Variants in AGAP3 observed in about 807,000 individuals in gnomAD.
The protein encoded by AGAP3 is ArfGAP with GTPase domain, ankyrin repeat and PH domain 3, also known as arf-GAP with GTPase, ANK repeat and PH domain-containing protein 3.
Under a neutral mutation model 96.9 loss-of-function variants are expected in AGAP3, and 24 were observed. The ratio of observed to expected loss-of-function variants is 0.25; its 90% CI spans 0.18 to 0.35. AGAP3 has a LOEUF of 0.35. Among genes scored for constraint, AGAP3 ranks in the 10% least tolerant of loss-of-function variants. The pLI is 1.00. For missense variants in AGAP3, 876 were observed against 1,254.2 expected (o/e 0.70, Z 4.55); for synonymous variants, 563 against 536.1 (o/e 1.05, Z -0.69).
At position 151,118,476 on chromosome 7, in the gene AGAP3, G is replaced by T; in HGVS notation, c.842-29G>T. 1 of 1,612,634 alleles carries T rather than the reference G, an allele frequency of 6.2e-7. No homozygotes were observed. ...CCAGGCTTTTCCCTTCTCTCCAGTG[G>T]GTATAATTGACTCTGCTGTCCCCTG... is the stretch of plus-strand genomic sequence containing the variant. On this transcript the variant is annotated intron_variant, in intron 6 of 17. Coordinates refer to ENST00000397238, the MANE Select transcript of AGAP3 (RefSeq NM_031946.7). The surrounding 1 kb of genome is among the most constrained non-coding windows in gnomAD (Gnocchi z 6.1).
chr7:151,142,426 A>G lies in AGAP3; in HGVS notation c.2065A>G (p.Ser689Gly). The part of the protein sequence containing the change: ...DCDAPNPDWA[S>G]LNLGALMCIE... ...TCCTTGCCTAGATCCAGACTGGGCC[A>G]GCCTGAACCTGGGTGCCCTGATGTG... Residue 689 changes from serine to glycine, a missense_variant, in exon 16 of 18, where the codon AGC becomes GGC. By Grantham distance (56) the Ser-to-Gly change is moderately conservative. Transcript: ENST00000397238. This position sits in a 1 kb window ranked among gnomAD's most constrained non-coding sequence, Gnocchi z 7.5. 6.2e-7 allele frequency: 1 copy of G among 1,613,828 alleles called. No individual in the cohort carries two copies. Among genetic ancestry groups the G allele is most frequent in the Non-Finnish European group, 8.5e-7 (1 of 1,179,892 alleles).
Position 151,120,089 on chromosome 7 carries a change from T to G in AGAP3, c.1072T>G (p.Ser358Ala). 1.2e-6 allele frequency: 2 copies of G among 1,613,324 alleles called. No homozygotes were observed. Among genetic ancestry groups the G allele is most frequent in the Non-Finnish European group, 1.7e-6 (2 of 1,179,796 alleles). Residue 358 changes from serine to alanine, a missense_variant, in exon 8 of 18, where the codon TCC becomes GCC. Physicochemically the swap from Ser to Ala is moderately conservative, Grantham distance 99. Around this residue, in one of 8 missense-constraint regions of AGAP3, gnomAD observed 100 missense variants for 129.4 expected, o/e 0.77. Coordinates refer to ENST00000397238, the MANE Select transcript of AGAP3 (RefSeq NM_031946.7). Reference protein sequence around the residue: ...RELRIETIAASSTPTPIRKQS... With the variant: ...RELRIETIAAASTPTPIRKQS... ...GCTGCGCATCGAGACCATCGCTGCC[T>G]CCTCCACCCCCACACCCATCCGAAA...
At chr7:151,117,214 G>C in intron 3 of AGAP3, 32 bp downstream of exon 3, 1 of 1,605,824 alleles carries the variant, frequency 6.2e-7, no homozygotes, top group Non-Finnish European at 8.5e-7. Flanking sequence ...TGGGCCCTGA[G>C]GCCGGCCACT....
rs1390644788 is a variant in AGAP3, at chr7:151,141,853, G to T, written c.1805-45G>T. 22 of 1,612,484 alleles carry T rather than the reference G, an allele frequency of 1.4e-5. No individual in the cohort carries two copies. In the Admixed American group the frequency reaches 3.7e-4, roughly 27 times the overall value. ...TGTGGCGATAGCATGCCCTGGGTGT[G>T]CACGCAGGCCAGGAGCCCTGATGGC... On this transcript the variant is annotated intron_variant, in intron 13 of 17. Transcript: ENST00000397238. This position sits in a 1 kb window ranked among gnomAD's most constrained non-coding sequence, Gnocchi z 4.2.
At chr7:151,086,362 G>A (rs1189237239), upstream of AGAP3, among the ~76,000 whole-genome samples, 3 of 143,866 alleles carry the variant, frequency 2.1e-5, 1 homozygote, top group Admixed American at 2.0e-4. Flanking sequence ...GCGCAGGAGG[G>A]GCGGGGGCGG....
chr7:151,087,212 G>A (rs899200275), intron 1 of AGAP3, 140 bp downstream of exon 1: 3 of 910,636 alleles, frequency 3.3e-6, no homozygotes, highest in Non-Finnish European at 5.1e-6. Context: ...GAGGTTTGCC[G>A]ATCTGTGTTG....
At chr7:151,113,029 C>T (rs1454080278) in intron 1 of AGAP3, among the ~76,000 whole-genome samples, 6 of 152,278 alleles carry the variant, frequency 3.9e-5, no homozygotes, top group Middle Eastern at 6.8e-3. Context: ...CCACCGCGCC[C>T]GACCCTTTGC....
intron 1 of AGAP3, chr7:151,115,349 C>T: frequency 9.8e-7 from 1 of 1,020,896 alleles, no homozygotes; most frequent in Non-Finnish European, 1.2e-6. Context: ...TCAGCTTCCG[C>T]CTGCGCCGCG....
chr7:151,123,722 C>T (rs919250570), intron 8 of AGAP3, 72 bp from the exon 9 acceptor site: 2 of 1,591,684 alleles, frequency 1.3e-6, no homozygotes, highest in Non-Finnish European at 1.7e-6. Flanking sequence ...AGGAGGGAGG[C>T]CGGGAAGTCC....
chr7:151,119,954 G>A (rs755624386), intron 7 of AGAP3, 33 bp from the exon 8 acceptor site: 36 of 1,608,968 alleles, frequency 2.2e-5, no homozygotes, highest in South Asian at 4.4e-5. Context: ...CCCCTGACCC[G>A]GAGCTGCCCT....
chr7:151,100,699 G>C (rs1163296695), intron 1 of AGAP3, among the ~76,000 whole-genome samples: 1 of 152,140 alleles, frequency 6.6e-6, no homozygotes, highest in Non-Finnish European at 1.5e-5. Flanking sequence ...TAAATTAGCT[G>C]GGTGTGGTGG....
intron 2 of AGAP3, 23 bp downstream of exon 2, chr7:151,116,874 A>T (rs1446296246): frequency 6.2e-7 from 1 of 1,610,180 alleles, no homozygotes; most frequent in Admixed American, 1.7e-5. Context: ...CATGGGCAGC[A>T]CCGGCGGCCT....
intron 2 of AGAP3, 40 bp downstream of exon 2, chr7:151,116,891 G>GC: frequency 6.4e-7 from 1 of 1,551,466 alleles, no homozygotes; most frequent in South Asian, 1.1e-5. Context: ...GCCTGGAGCT[G>GC]GGGGGGCGAG....
At chr7:151,101,388 C>T (rs1002526642) in intron 1 of AGAP3, among the ~76,000 whole-genome samples, 4 of 152,192 alleles carry the variant, frequency 2.6e-5, no homozygotes, top group African/African-American at 9.7e-5. Flanking sequence ...TGACTCATGC[C>T]CTCCCTGTTG....
chr7:151,113,852 G>A (rs1018603827), intron 1 of AGAP3, among the ~76,000 whole-genome samples: 3 of 152,194 alleles, frequency 2.0e-5, no homozygotes, highest in Admixed American at 6.5e-5. Flanking sequence ...GTCATGAATT[G>A]GAAGGGCCTC....
At chr7:151,115,729 G>A in intron 1 of AGAP3, 1 of 853,052 alleles carries the variant, frequency 1.2e-6, no homozygotes, top group Non-Finnish European at 1.4e-6. Flanking sequence ...GCTGCCGCGC[G>A]CGTCCGGGGC....
intron 1 of AGAP3, among the ~76,000 whole-genome samples, chr7:151,087,804 T>C (rs1015380146): frequency 4.6e-5 from 7 of 152,362 alleles, no homozygotes; most frequent in Admixed American, 6.5e-5. Context: ...AGCGCTTTTT[T>C]CTCTGGGCCC....
Position 151,115,618 on chromosome 7 carries a change from C to A in AGAP3, c.332-1175C>A. 2.6e-6 allele frequency: 3 copies of A among 1,167,882 alleles called. No homozygotes were observed. The South Asian group carries it at 1.3e-4, about 49-fold the overall frequency. The allele number at this position is 1,167,882 out of a possible 1,614,324, so 72.3% of individuals were successfully genotyped here. A position where few individuals can be genotyped will look rare whatever the true frequency, so the allele number is the denominator to read the frequency against. ...TGGGGCCGTCGGGCGGCTGCGGCCC[C>A]GGAGCTCCTGCGCGCGCCCAGCGGT... On this transcript the variant is annotated intron_variant, in intron 1 of 17. Transcript: ENST00000397238.
At chr7:151,088,937 G>C (rs1315574561) in intron 1 of AGAP3, among the ~76,000 whole-genome samples, 3 of 152,116 alleles carry the variant, frequency 2.0e-5, no homozygotes, top group African/African-American at 7.2e-5. Flanking sequence ...TGGAAGCTCG[G>C]CCTCACCCTC....
Sources: gnomAD v4.1 joint callset for allele counts (sites outside exome capture counted in the v4.1 genomes callset) on GRCh38, gnomAD v4.1.1 for gene constraint, gnomAD v4.1.1 regional missense constraint, Gnocchi (gnomAD v3.1) non-coding constraint, MANE v1.5 for transcripts, NCBI Gene and HGNC (gene_info 2026-07-23, HGNC 2026-07-21) for gene names.